Variants in MBOAT7 observed in about 807,000 individuals in gnomAD.
The protein encoded by MBOAT7 is membrane bound acylglycerophosphatidylinositol O-acyltransferase MBOAT7, also known as membrane-bound acylglycerophosphatidylinositol O-acyltransferase MBOAT7.
Under a neutral mutation model 47.4 loss-of-function variants are expected in MBOAT7, and 40 were observed. The observed-to-expected ratio is 0.84, with a 90% CI of 0.66 to 1.10. The LOEUF is 1.10. Among genes scored for constraint, MBOAT7 ranks in the 50% least tolerant of loss-of-function variants. The pLI is 0.00. For synonymous variants in MBOAT7, 361 were observed against 292.0 expected (o/e 1.24, Z -2.41); for missense variants, 680 against 655.6 (o/e 1.04, Z -0.41).
intron 6 of MBOAT7, 144 bp from the exon 7 acceptor site, chr19:54,179,085 A>T: frequency 1.7e-6 from 2 of 1,202,410 alleles, no homozygotes; most frequent in Non-Finnish European, 2.3e-6. Context: ...TTGCTAGGGC[A>T]GCAAGGGAGG....
rs1453433415 is a variant in MBOAT7, at chr19:54,174,017, A to C, written c.*27T>G. 1.9e-6 allele frequency: 3 copies of C among 1,544,630 alleles called. No homozygotes were observed. In the South Asian group the frequency reaches 3.7e-5, roughly 19 times the overall value. ...CCTGGTTCACAGAATTCCCGGGACC[A>C]GCTGGCAGAGGGAGCGTCGTGACAG... On this transcript the variant is annotated 3_prime_UTR_variant, in exon 8 of 8. Transcript: ENST00000245615.
intron 7 of MBOAT7, 110 bp from the exon 8 acceptor site, chr19:54,174,541 G>C (rs2076024404): frequency 8.7e-7 from 1 of 1,143,498 alleles, no homozygotes; most frequent in Non-Finnish European, 1.2e-6. Context: ...ACCGAGAAGT[G>C]CAGGCCCAGC....
chr19:54,174,477 GTGCCCAC>G, intron 7 of MBOAT7, 46 bp from the exon 8 acceptor site: 1 of 1,471,508 alleles, frequency 6.8e-7, no homozygotes. Context: ...CAGGTCCCCA[GTGCCCAC>G]TGCCCCCAGA....
intron 5 of MBOAT7, 52 bp from the exon 6 acceptor site, chr19:54,181,185 C>G (rs2146992988): frequency 1.4e-6 from 2 of 1,443,526 alleles, no homozygotes; most frequent in Non-Finnish European, 1.8e-6. Flanking sequence ...GGGCAGAGCT[C>G]AAGTCTGCAG....
At chr19:54,175,503 C>A (rs1600628990) in intron 7 of MBOAT7, among the ~76,000 whole-genome samples, 2 of 152,164 alleles carry the variant, frequency 1.3e-5, no homozygotes, top group East Asian at 3.9e-4. Flanking sequence ...GGCCTGTGGT[C>A]CTTCCTTATT....
At chr19:54,187,969 C>T (rs1226713886) in intron 3 of MBOAT7, among the ~76,000 whole-genome samples, 10 of 146,172 alleles carry the variant, frequency 6.8e-5, no homozygotes, top group African/African-American at 2.3e-4. Context: ...GAGCCAAGAT[C>T]GTGCCACTGA....
Position 54,188,488 on chromosome 19 carries a change from C to T in MBOAT7, c.21G>A (p.Thr7=), listed in dbSNP as rs1280933603. Residue 7 remains threonine, a synonymous_variant, in exon 2 of 8, where the codon ACG becomes ACA. Transcript: ENST00000245615. The part of the protein sequence containing the change: MSPEEW[T]YLVVLLISIP... ...TGGAGATAAGAAGAACCACTAGATACGTCCATTCTTCAGGCGACATGGTCT... is the reference window on the plus strand; with the variant it reads ...TGGAGATAAGAAGAACCACTAGATATGTCCATTCTTCAGGCGACATGGTCT... 19 of 1,553,826 alleles carry T rather than the reference C, an allele frequency of 1.2e-5. No homozygotes were observed. The highest frequency in any genetic ancestry group is 1.1e-4 in the African/African-American group (8 of 73,168).
At chr19:54,188,085 T>C (rs2076503608) in intron 3 of MBOAT7, 132 bp downstream of exon 3, 1 of 756,312 alleles carries the variant, frequency 1.3e-6, no homozygotes, top group African/African-American at 2.0e-5. Flanking sequence ...CAAACAAACA[T>C]GAAACAGAGA....
At chr19:54,178,465 T>TAGCCG (rs2076170680) in intron 7 of MBOAT7, 1 of 1,326,906 alleles carries the variant, frequency 7.5e-7, no homozygotes, top group African/African-American at 1.5e-5. Context: ...GGTTTCTCCA[T>TAGCCG]AACCTGGACG....
intron 4 of MBOAT7, among the ~76,000 whole-genome samples, chr19:54,185,372 T>C (rs1327820868): frequency 6.6e-6 from 1 of 152,070 alleles, no homozygotes; most frequent in African/African-American, 2.4e-5. Context: ...CACAACCCTT[T>C]TTCCATCCAG....
chr19:54,180,811 G>T lies in MBOAT7; in HGVS notation c.816C>A (p.Ala272=). 1 of 1,562,956 alleles carries T rather than the reference G, an allele frequency of 6.4e-7. No individual in the cohort carries two copies. The highest frequency in any genetic ancestry group is 8.6e-7 in the Non-Finnish European group (1 of 1,158,924). The change falls in exon 6 of 8, where the codon GCC becomes GCA. Residue 272 remains alanine (A), a synonymous_variant. Transcript: ENST00000245615. This position sits in a 1 kb window ranked among gnomAD's most constrained non-coding sequence, Gnocchi z 5.2. The part of the protein sequence containing the change: ...GAYPVAAKAR[A]GGGPTLQCPP... ...GGCATTGGAGGGTGGGGCCGCCTCC[G>T]GCCCGGGCTTTGGCGGCCACGGGGT...
intron 4 of MBOAT7, among the ~76,000 whole-genome samples, chr19:54,184,881 G>C (rs565788001): frequency 2.1e-5 from 3 of 142,488 alleles, no homozygotes; most frequent in Non-Finnish European, 3.0e-5. Context: ...TCCAGCCTGG[G>C]CAACAGGAGT....
chr19:54,180,687 C>A lies in MBOAT7; in HGVS notation c.854+86G>T. ...AGGTGGTGGCCCTGGCCCCTTGCTCCCCGCTCTCCTCCCGGCTAGGGGCAG... is the reference window on the plus strand; with the variant it reads ...AGGTGGTGGCCCTGGCCCCTTGCTCACCGCTCTCCTCCCGGCTAGGGGCAG... On this transcript the variant is annotated intron_variant, in intron 6 of 7. Transcript: ENST00000245615. This position sits in a 1 kb window ranked among gnomAD's most constrained non-coding sequence, Gnocchi z 5.2. 1.5e-6 allele frequency: 2 copies of A among 1,311,294 alleles called. No homozygotes were observed. The highest frequency in any genetic ancestry group is 2.8e-4 in the Middle Eastern group (1 of 3,598). 81.2% of individuals were successfully genotyped at this position (1,311,294 alleles called of 1,614,324 possible). A position where few individuals can be genotyped will look rare whatever the true frequency, so the allele number is the denominator to read the frequency against.
At position 54,183,510 on chromosome 19, in the gene MBOAT7, GC is replaced by G; in HGVS notation, c.493+10del. On this transcript the variant is annotated intron_variant, in intron 5 of 7. Coordinates refer to ENST00000245615, the MANE Select transcript of MBOAT7 (RefSeq NM_024298.5). ...ACAGAGCGGCAGAGTTGTTAGGGCA[GC>G]CCCACTCACCTGTCATGATTCCCAC... 6 of 1,606,208 alleles carry G rather than the reference GC, an allele frequency of 3.7e-6. No individual in the cohort carries two copies. Among genetic ancestry groups the G allele is most frequent in the Non-Finnish European group, 5.1e-6 (6 of 1,176,566 alleles).
intron 4 of MBOAT7, 146 bp downstream of exon 4, chr19:54,187,015 G>A (rs2076444808): frequency 4.0e-6 from 4 of 996,766 alleles, no homozygotes; most frequent in African/African-American, 3.3e-5. Context: ...GGGGAATGCT[G>A]TGCCCAGGGC....
rs533980097 is a variant in MBOAT7, at chr19:54,174,153, G to C, written c.1310C>G (p.Ala437Gly). Reference sequence around the variant, plus strand: ...CAGCCCCAGCCCCAGGGCTGCCAGGGCCAGGAAGTGGATACAGAAGTAGAT... The same window carrying C: ...CAGCCCCAGCCCCAGGGCTGCCAGGCCCAGGAAGTGGATACAGAAGTAGAT... ...ASIYFCIHFL[A>G]LAALGLGLAL... The change falls in exon 8 of 8, where the codon GCC (alanine) becomes GGC (glycine). Residue 437 changes from alanine to glycine, a missense_variant. Physicochemically the swap from Ala to Gly is moderately conservative, Grantham distance 60. Transcript: ENST00000245615. The C allele has an allele frequency of 1.2e-5, 19 of 1,599,518 alleles. No homozygotes were observed. The highest frequency in any genetic ancestry group is 3.4e-4 in the Middle Eastern group (2 of 5,908).
intron 7 of MBOAT7, among the ~76,000 whole-genome samples, chr19:54,177,324 C>G (rs2146969120): frequency 6.6e-6 from 1 of 152,122 alleles, no homozygotes; most frequent in Non-Finnish European, 1.5e-5. Context: ...GAGACAGAGT[C>G]TCGCTCTGTT....
At chr19:54,188,188 TCC>T in intron 3 of MBOAT7, 27 bp downstream of exon 3, 1 of 1,569,778 alleles carries the variant, frequency 6.4e-7, no homozygotes, top group Non-Finnish European at 8.6e-7. Flanking sequence ...TCCCCTCCTC[TCC>T]CTCTCCTCCC....
chr19:54,179,054 ATGGCCCTC>A, intron 6 of MBOAT7, 113 bp from the exon 7 acceptor site: 6 of 1,412,792 alleles, frequency 4.2e-6, no homozygotes, highest in South Asian at 4.1e-5. Flanking sequence ...TGGCCAGGCA[ATGGCCCTC>A]TGGCTGTCAG....
Sources: gnomAD v4.1 joint callset for allele counts (sites outside exome capture counted in the v4.1 genomes callset) on GRCh38, gnomAD v4.1.1 for gene constraint, Gnocchi (gnomAD v3.1) non-coding constraint, MANE v1.5 for transcripts, NCBI Gene and HGNC (gene_info 2026-07-23, HGNC 2026-07-21) for gene names.